Variants in FLRT1 observed in about 807,000 individuals in gnomAD.
The protein encoded by FLRT1 is leucine-rich repeat transmembrane protein FLRT1.
Under a neutral mutation model 30.9 loss-of-function variants are expected in FLRT1, and 14 were observed. That is an observed-to-expected ratio of 0.45 (90% CI 0.30 to 0.71). The LOEUF is 0.71. Among genes scored for constraint, FLRT1 ranks in the 30% least tolerant of loss-of-function variants. The probability of loss-of-function intolerance (pLI) is 0.08; values close to 1 mark genes in which losing one functional copy is unlikely to be tolerated. For synonymous variants in FLRT1, 368 were observed against 430.4 expected (o/e 0.85, Z 1.80); for missense variants, 737 against 949.2 (o/e 0.78, Z 2.94).
At chr11:64,072,527 C>T (rs1020542364) in intron 1 of FLRT1, among the ~76,000 whole-genome samples, 14 of 152,226 alleles carry the variant, frequency 9.2e-5, no homozygotes, top group African/African-American at 2.7e-4. Context: ...CCCGTGAACC[C>T]GCCACAGAAA....
chr11:64,075,695 G>A (rs915630389), intron 1 of FLRT1, among the ~76,000 whole-genome samples: 3 of 152,190 alleles, frequency 2.0e-5, no homozygotes, highest in Non-Finnish European at 2.9e-5. Flanking sequence ...TTTTTGAGAT[G>A]GAGTTGCGCT....
At chr11:64,037,707 C>G (rs1410097348) in intron 1 of FLRT1, among the ~76,000 whole-genome samples, 2 of 152,132 alleles carry the variant, frequency 1.3e-5, no homozygotes, top group African/African-American at 2.4e-5. Flanking sequence ...ACTGGATACT[C>G]TTCAGTAAAA....
At chr11:64,089,222 C>T (rs1422787249) in intron 1 of FLRT1, among the ~76,000 whole-genome samples, 5 of 152,160 alleles carry the variant, frequency 3.3e-5, no homozygotes, top group Non-Finnish European at 5.9e-5. Context: ...TGGCATTGCA[C>T]CGCGGAGGTG....
At chr11:64,059,593 G>A (rs1233574451) in intron 1 of FLRT1, among the ~76,000 whole-genome samples, 1 of 152,174 alleles carries the variant, frequency 6.6e-6, no homozygotes, top group Admixed American at 6.5e-5. Context: ...GAAGGTGTGT[G>A]TGCCTCCGCA....
At chr11:64,062,944 C>T (rs1013706926) in intron 1 of FLRT1, among the ~76,000 whole-genome samples, 2 of 152,230 alleles carry the variant, frequency 1.3e-5, no homozygotes, top group Admixed American at 1.3e-4. Flanking sequence ...CACCTCCGTG[C>T]TCCAGCATGG....
At chr11:64,095,572 G>T (rs1216372521) in intron 1 of FLRT1, among the ~76,000 whole-genome samples, 1 of 152,236 alleles carries the variant, frequency 6.6e-6, no homozygotes, top group Non-Finnish European at 1.5e-5. Flanking sequence ...TGGGAGGGAA[G>T]TAGAGAACTG....
intron 1 of FLRT1, among the ~76,000 whole-genome samples, chr11:64,065,095 C>G (rs2097478110): frequency 6.6e-6 from 1 of 152,220 alleles, no homozygotes; most frequent in Non-Finnish European, 1.5e-5. Flanking sequence ...GACTCGGCGG[C>G]CTCGGAGAGA....
At chr11:64,075,727 C>T (rs1944188303) in intron 1 of FLRT1, among the ~76,000 whole-genome samples, 1 of 152,222 alleles carries the variant, frequency 6.6e-6, no homozygotes, top group Admixed American at 6.5e-5. Flanking sequence ...GGCTGGAGCG[C>T]AGTGGCACAA....
chr11:64,072,604 C>A (rs1565219803), intron 1 of FLRT1, among the ~76,000 whole-genome samples: 1 of 152,244 alleles, frequency 6.6e-6, no homozygotes, highest in Non-Finnish European at 1.5e-5. Context: ...GGGCCTTGGT[C>A]TCCACAAACA....
At chr11:64,063,805 C>T (rs1235572881) in intron 1 of FLRT1, among the ~76,000 whole-genome samples, 1 of 152,202 alleles carries the variant, frequency 6.6e-6, no homozygotes, top group Non-Finnish European at 1.5e-5. Context: ...AATGAGACAG[C>T]CGAACAGGAG....
At chr11:64,091,360 A>G (rs1565228278) in intron 1 of FLRT1, among the ~76,000 whole-genome samples, 1 of 151,554 alleles carries the variant, frequency 6.6e-6, no homozygotes, top group Non-Finnish European at 1.5e-5. Flanking sequence ...TTACAATCTC[A>G]TTCATTCCTC....
rs556427387 is a variant in FLRT1, at chr11:64,048,099, G to A, written c.-1038+11940G>A. On this transcript the variant is annotated intron_variant, in intron 1 of 2. Coordinates refer to ENST00000682287, the MANE Select transcript of FLRT1 (RefSeq NM_013280.5). ...TCAGGCCTGCAGCCTGCCCTGGCCG[G>A]CGGGAGGCAGTGGGCCCAGAAGCAG... Among the ~76,000 whole-genome samples, 3 of 152,294 alleles carry A rather than the reference G, an allele frequency of 2.0e-5. No individual in the cohort carries two copies. In the East Asian group the frequency reaches 5.8e-4, roughly 29 times the overall value.
intron 2 of FLRT1, among the ~76,000 whole-genome samples, chr11:64,114,741 G>GGA (rs1330712498): frequency 6.6e-6 from 1 of 152,128 alleles, no homozygotes; most frequent in East Asian, 1.9e-4. Context: ...ATGGATGGAT[G>GGA]GACAGGTCCA....
At chr11:64,114,341 C>T (rs1944929263) in intron 2 of FLRT1, among the ~76,000 whole-genome samples, 1 of 45,608 alleles carries the variant, frequency 2.2e-5, no homozygotes, top group Non-Finnish European at 7.5e-5. Context: ...ACAGTAGATA[C>T]ATGATGGATG....
intron 1 of FLRT1, among the ~76,000 whole-genome samples, chr11:64,051,057 G>A (rs1943684489): frequency 6.6e-6 from 1 of 152,240 alleles, no homozygotes; most frequent in African/African-American, 2.4e-5. Flanking sequence ...TGAGGCTCAA[G>A]TATTGTGCCC....
At position 64,116,262 on chromosome 11, in the gene FLRT1, T is replaced by C. The variant is rs1171672331; in HGVS notation, c.-6T>C. 9 of 1,592,812 alleles carry C rather than the reference T, an allele frequency of 5.7e-6. No homozygotes were observed. The highest frequency in any genetic ancestry group is 1.7e-4 in the Middle Eastern group (1 of 6,044). On this transcript the variant is annotated 5_prime_UTR_variant, in exon 3 of 3. Transcript: ENST00000682287. ...AGGTGGGGCCGGACGCCCCCAGCCA[T>C]CCACCATGGTGGTGGCACACCCCAC...
At chr11:64,083,687 C>T (rs986786136) in intron 1 of FLRT1, among the ~76,000 whole-genome samples, 1 of 152,230 alleles carries the variant, frequency 6.6e-6, no homozygotes, top group Non-Finnish European at 1.5e-5. Flanking sequence ...ACCTGGTTAT[C>T]AAAATAGGAA....
intron 2 of FLRT1, among the ~76,000 whole-genome samples, chr11:64,113,897 TGGATGGATGGATGGAC>T (rs1353400768): frequency 6.5e-4 from 97 of 148,094 alleles, no homozygotes; most frequent in African/African-American, 2.2e-3. Flanking sequence ...GATGGATGGA[TGGATGGATGGATGGAC>T]AGGTGGATGC....
At position 64,117,155 on chromosome 11, in the gene FLRT1, G is replaced by A. The variant is rs1281142477; in HGVS notation, c.888G>A (p.Leu296=). Residue 296 remains leucine (L), a synonymous_variant, in exon 3 of 3, where the codon CTG becomes CTA. Coordinates refer to ENST00000682287, the MANE Select transcript of FLRT1 (RefSeq NM_013280.5). ...PYNTLAKMRE[L]ERLDLSNNNL... ...ACACGCTGGCCAAGATGCGTGAGCT[G>A]GAGCGGCTGGACCTGTCCAACAACA... 1.2e-6 allele frequency: 2 copies of A among 1,613,880 alleles called. No individual in the cohort carries two copies. The highest frequency in any genetic ancestry group is 1.3e-5 in the African/African-American group (1 of 75,062).
Sources: allele counts gnomAD v4.1 joint callset (sites outside exome capture counted in the v4.1 genomes callset), GRCh38; gene constraint gnomAD v4.1.1; transcripts MANE v1.5; gene names NCBI Gene and HGNC (gene_info 2026-07-23, HGNC 2026-07-21).